CENPW: variants seen among roughly 807,000 people sequenced by gnomAD.
CENPW encodes the protein cancer-up-regulated gene 2 protein.
A neutral mutation model predicts 11.1 loss-of-function variants in CENPW; 3 were observed. The ratio of observed to expected loss-of-function variants is 0.27; its 90% confidence interval spans 0.12 to 0.70. The LOEUF (loss-of-function observed/expected upper bound fraction) is 0.70, where lower values mean the gene tolerates loss of function less well. Among genes scored for constraint, CENPW ranks in the 30% least tolerant of loss-of-function variants. The pLI, the probability that CENPW is intolerant of heterozygous loss-of-function variation, is 0.77. For synonymous variants in CENPW, 38 were observed against 42.0 expected, an observed-to-expected ratio of 0.91 and a Z score of 0.37; for missense variants, 100 against 105.6, an observed-to-expected ratio of 0.95 and a Z score of 0.23.
At chr6:126,469,902 C>A in the CENPW span, among the ~76,000 whole-genome samples, 1 of 152,096 alleles carries the variant, frequency 6.6e-6, no homozygotes, top group African/African-American at 2.4e-5. Flanking sequence ...CTCACTGATT[C>A]TGAAAGTGCT....
At chr6:126,437,741 ACT>A in the CENPW span, among the ~76,000 whole-genome samples, 1 of 151,568 alleles carries the variant, frequency 6.6e-6, no homozygotes, top group Non-Finnish European at 1.5e-5. Context: ...GTTTTGTTCT[ACT>A]CTCATTTTAT....
chr6:126,446,606 G>T, the CENPW span, among the ~76,000 whole-genome samples: 2 of 150,896 alleles, frequency 1.3e-5, no homozygotes, highest in African/African-American at 2.4e-5. Flanking sequence ...ATGCCCAGAG[G>T]CTACTGTGAT....
At chr6:126,387,552 T>G in the CENPW span, among the ~76,000 whole-genome samples, 4 of 151,934 alleles carry the variant, frequency 2.6e-5, no homozygotes, top group African/African-American at 9.7e-5. Flanking sequence ...AAACACTTCC[T>G]ACCTTAAAAT....
chr6:126,340,117 T>G lies in CENPW; in HGVS notation c.-157T>G. On this transcript the variant is annotated 5_prime_UTR_variant, in exon 1 of 3. Transcript: ENST00000368328. ...CGTCACTACTGAGCGCCGGGCGCGT[T>G]CCGTTGGCGGCGGATTCGAACGTTC... The G allele has an allele frequency of 1.4e-6, 1 of 719,120 alleles. No homozygotes were observed. Among genetic ancestry groups the G allele is most frequent in the Non-Finnish European group, 2.4e-6 (1 of 421,758 alleles). The allele number at this position is 719,120 out of a possible 1,614,324, so 44.5% of individuals were successfully genotyped here. A position where few individuals can be genotyped will look rare whatever the true frequency, so the allele number is the denominator to read the frequency against.
chr6:126,429,705 T>C, the CENPW span, among the ~76,000 whole-genome samples: 1 of 152,314 alleles, frequency 6.6e-6, no homozygotes, highest in South Asian at 2.1e-4. Context: ...CCTAATACAA[T>C]TTGCATTTCT....
the CENPW span, among the ~76,000 whole-genome samples, chr6:126,377,224 C>T: frequency 7.2e-5 from 11 of 151,958 alleles, no homozygotes; most frequent in Admixed American, 6.6e-4. Flanking sequence ...TACAGAGATC[C>T]TCACAATTTA....
chr6:126,407,456 G>T, the CENPW span, among the ~76,000 whole-genome samples: 2 of 152,256 alleles, frequency 1.3e-5, no homozygotes, highest in Middle Eastern at 3.4e-3. Context: ...ACCCAGTAAT[G>T]GGATGGCTGG....
chr6:126,479,740 C>G, the CENPW span, among the ~76,000 whole-genome samples: 2 of 151,758 alleles, frequency 1.3e-5, no homozygotes, highest in Non-Finnish European at 2.9e-5. Context: ...TAACCTTCCA[C>G]TTGTTATATG....
the CENPW span, among the ~76,000 whole-genome samples, chr6:126,462,532 T>TCACACACA: frequency 1.8e-5 from 2 of 111,920 alleles, no homozygotes; most frequent in African/African-American, 3.1e-5. Flanking sequence ...TCTCTCTCTC[T>TCACACACA]CACACACACA....
chr6:126,345,929 C>G (rs1315538180), intron 1 of CENPW, among the ~76,000 whole-genome samples: 1 of 152,078 alleles, frequency 6.6e-6, no homozygotes, highest in Non-Finnish European at 1.5e-5. Context: ...GCGAATCTTA[C>G]ATACGTTTTG....
the CENPW span, among the ~76,000 whole-genome samples, chr6:126,440,455 T>G: frequency 6.6e-6 from 1 of 151,612 alleles, no homozygotes; most frequent in Non-Finnish European, 1.5e-5. Context: ...TTACCCTTTT[T>G]AAAAGTAGCA....
the CENPW span, among the ~76,000 whole-genome samples, chr6:126,391,495 T>C: frequency 6.6e-6 from 1 of 151,950 alleles, no homozygotes; most frequent in Non-Finnish European, 1.5e-5. Context: ...ATTTGTTCAT[T>C]TTTGCTTTGG....
At position 126,347,812 on chromosome 6, in the gene CENPW, G is replaced by GT. The variant is rs547714403; in HGVS notation, c.241-645dup. On this transcript the variant is annotated intron_variant, in intron 2 of 2. Transcript: ENST00000368328. The stretch of plus-strand genomic sequence containing the variant: ...TTTATTTACTTAAAATAGTAGATAA[G>GT]TTTTTTTTTAAAAAAAGAGATATTC... Among the ~76,000 whole-genome samples, 29 of 151,224 alleles carry GT rather than the reference G, an allele frequency of 1.9e-4. No individual in the cohort carries two copies. In the South Asian group the frequency reaches 2.1e-3, roughly 11 times the overall value.
chr6:126,359,534 C>T, the CENPW span, among the ~76,000 whole-genome samples: 10 of 151,978 alleles, frequency 6.6e-5, no homozygotes, highest in Admixed American at 3.9e-4. Flanking sequence ...TGAAGTCTCC[C>T]ACTATTACTA....
chr6:126,368,639 C>G, the CENPW span, among the ~76,000 whole-genome samples: 3 of 151,094 alleles, frequency 2.0e-5, no homozygotes, highest in African/African-American at 4.9e-5. Flanking sequence ...GTACACCATA[C>G]CCAATGTGTA....
chr6:126,401,569 A>AT, the CENPW span, among the ~76,000 whole-genome samples: 7 of 150,532 alleles, frequency 4.7e-5, no homozygotes, highest in South Asian at 2.1e-4. Context: ...GAGCAGAGGA[A>AT]TTTTTTTTTC....
the CENPW span, among the ~76,000 whole-genome samples, chr6:126,418,702 C>T: frequency 6.6e-6 from 1 of 151,890 alleles, no homozygotes; most frequent in Non-Finnish European, 1.5e-5. Context: ...TTTATAGCTC[C>T]AAAAATAATC....
the CENPW span, among the ~76,000 whole-genome samples, chr6:126,408,869 T>TGA: frequency 6.6e-6 from 1 of 151,586 alleles, no homozygotes; most frequent in South Asian, 2.1e-4. Context: ...GTTTTTTCCC[T>TGA]AGTCTAAGTA....
chr6:126,390,612 C>T, the CENPW span, among the ~76,000 whole-genome samples: 1 of 151,970 alleles, frequency 6.6e-6, no homozygotes, highest in Non-Finnish European at 1.5e-5. Flanking sequence ...TCCCCTACAA[C>T]TCCTACCCTT....
Sources: allele counts gnomAD v4.1 joint callset (sites outside exome capture counted in the v4.1 genomes callset), GRCh38; gene constraint gnomAD v4.1.1; transcripts MANE v1.5; gene names NCBI Gene and HGNC (gene_info 2026-07-23, HGNC 2026-07-21).